TMEM65: variants seen among roughly 807,000 people sequenced by gnomAD.
The protein encoded by TMEM65 is transmembrane protein 65.
In TMEM65, 22 loss-of-function variants were observed where a neutral mutation model predicts 25.4. The observed-to-expected ratio is 0.86, with a 90% CI of 0.62 to 1.23. TMEM65 has a LOEUF of 1.23. Among genes scored for constraint, TMEM65 ranks in the 50% most tolerant of loss-of-function variants. The pLI, the probability that TMEM65 is intolerant of heterozygous loss-of-function variation, is 0.00. For synonymous variants in TMEM65, 132 were observed against 126.2 expected, an observed-to-expected ratio of 1.05 and a Z score of -0.31; for missense variants, 262 against 308.2, an observed-to-expected ratio of 0.85 and a Z score of 1.12.
intron 1 of TMEM65, among the ~76,000 whole-genome samples, chr8:124,338,573 T>G (rs1302990940): frequency 6.6e-6 from 1 of 152,038 alleles, no homozygotes; most frequent in Admixed American, 6.6e-5. Context: ...TAAAAGAAAG[T>G]TCCAAGCAAC....
In TMEM65 at chr8:124,308,683, A is replaced by G. The variant is rs1814122755; in HGVS notation, c.*5277T>C. The G allele has an allele frequency of 6.6e-6, 1 of 152,206 alleles. No homozygotes were observed. The highest frequency in any genetic ancestry group is 1.5e-5 in the Non-Finnish European group (1 of 68,036). The allele number at this position is 152,206 out of a possible 1,614,324, so 9.4% of individuals were successfully genotyped here. A position where few individuals can be genotyped will look rare whatever the true frequency, so the allele number is the denominator to read the frequency against. ...TTCAAAAGCTTAGCTTTTGGAGATG[A>G]GTGCCTCTGAATCAGTGCCACAGAA... On this transcript the variant is annotated 3_prime_UTR_variant, in exon 7 of 7. Coordinates refer to ENST00000297632, the MANE Select transcript of TMEM65 (RefSeq NM_194291.3).
At chr8:124,341,234 ATGAC>A (rs879838346) in intron 1 of TMEM65, among the ~76,000 whole-genome samples, 18 of 152,096 alleles carry the variant, frequency 1.2e-4, no homozygotes, top group Non-Finnish European at 2.6e-4. Flanking sequence ...TGAAAGTAGA[ATGAC>A]TGGTCATCCC....
intron 1 of TMEM65, among the ~76,000 whole-genome samples, chr8:124,333,229 G>A (rs1814456815): frequency 6.6e-6 from 1 of 151,324 alleles, no homozygotes; most frequent in Non-Finnish European, 1.5e-5. Flanking sequence ...TCAGCCCAAG[G>A]TTTCAGTGAT....
Position 124,372,218 on chromosome 8 carries a change from A to T in TMEM65, c.-61T>A. On this transcript the variant is annotated 5_prime_UTR_variant, in exon 1 of 7. Coordinates refer to ENST00000297632, the MANE Select transcript of TMEM65 (RefSeq NM_194291.3). ...GGCAAGGCGGTTTCTGGCGCGGCTGAGGCGAGAAGGAGCTGGGCTCAGCTC... is the reference window on the plus strand; with the variant it reads ...GGCAAGGCGGTTTCTGGCGCGGCTGTGGCGAGAAGGAGCTGGGCTCAGCTC... 1 of 1,212,474 alleles carries T rather than the reference A, an allele frequency of 8.2e-7. No individual in the cohort carries two copies. The highest frequency in any genetic ancestry group is 1.0e-6 in the Non-Finnish European group (1 of 967,292). The allele number at this position is 1,212,474 out of a possible 1,614,324, so 75.1% of individuals were successfully genotyped here. A position where few individuals can be genotyped will look rare whatever the true frequency, so the allele number is the denominator to read the frequency against.
Position 124,314,060 on chromosome 8 carries a change from C to T in TMEM65, c.623G>A (p.Gly208Asp). 1 of 1,611,666 alleles carries T rather than the reference C, an allele frequency of 6.2e-7. No individual in the cohort carries two copies. The highest frequency in any genetic ancestry group is 8.5e-7 in the Non-Finnish European group (1 of 1,178,918). ...MWQTRLSTHL[G>D]KAVGVTIGCI... ...GCCAATAGTCACCCCAACAGCTTTG[C>T]CCTAAGGAAACAAAAGAGAACATTT... The change falls in exon 7 of 7, where the codon GGC becomes GAC. Residue 208 changes from glycine (G) to aspartate (D), a missense_variant and splice_region_variant. Transcript: ENST00000297632.
chr8:124,333,978 ATTCAG>A (rs1387076663), intron 1 of TMEM65, among the ~76,000 whole-genome samples: 2 of 152,192 alleles, frequency 1.3e-5, no homozygotes, highest in East Asian at 3.8e-4. Flanking sequence ...CTGTGCATAC[ATTCAG>A]TTCAAGTCTA....
intron 1 of TMEM65, among the ~76,000 whole-genome samples, chr8:124,359,316 GCAAA>G (rs1814829774): frequency 6.6e-6 from 1 of 152,180 alleles, no homozygotes; most frequent in South Asian, 2.1e-4. Flanking sequence ...CCTGGAAGCA[GCAAA>G]CACTTAAAGA....
intron 1 of TMEM65, among the ~76,000 whole-genome samples, chr8:124,351,712 G>A (rs1025126965): frequency 1.3e-5 from 2 of 152,016 alleles, no homozygotes; most frequent in African/African-American, 4.8e-5. Context: ...CCCTGAAACG[G>A]CTTCATCTTT....
Position 124,308,554 on chromosome 8 carries a change from A to G in TMEM65, c.*5406T>C, listed in dbSNP as rs1814121644. 1 of 152,114 alleles carries G rather than the reference A, an allele frequency of 6.6e-6. No homozygotes were observed. The highest frequency in any genetic ancestry group is 6.5e-5 in the Admixed American group (1 of 15,282). The allele number at this position is 152,114 out of a possible 1,614,324, so 9.4% of individuals were successfully genotyped here. Reference sequence around the variant, plus strand: ...ATTTACAACAGAGCCAATCAAGAAAATCATGAAAGAGGTTGTAGATATGTC... The same window carrying G: ...ATTTACAACAGAGCCAATCAAGAAAGTCATGAAAGAGGTTGTAGATATGTC... On this transcript the variant is annotated 3_prime_UTR_variant, in exon 7 of 7. Transcript: ENST00000297632.
At chr8:124,319,558 T>C (rs1243098913) in intron 6 of TMEM65, among the ~76,000 whole-genome samples, 2 of 152,064 alleles carry the variant, frequency 1.3e-5, no homozygotes, top group Non-Finnish European at 2.9e-5. Flanking sequence ...TAATTGCTAG[T>C]CAGTATGCTT....
In TMEM65 at chr8:124,318,000, TA is replaced by T. The variant is rs553161072; in HGVS notation, c.621+2085del. 9.2e-5 allele frequency among the ~76,000 whole-genome samples: 14 copies of T among 152,088 alleles called. No homozygotes were observed. In the East Asian group the frequency reaches 2.1e-3, roughly 23 times the overall value. On this transcript the variant is annotated intron_variant, in intron 6 of 6. Coordinates refer to ENST00000297632, the MANE Select transcript of TMEM65 (RefSeq NM_194291.3). ...TAACACTAACGATAGCTGATAAGCT[TA>T]AAAAAAATCACAGAAAAAATCTCAT...
chr8:124,344,396 TTA>T (rs1814618991), intron 1 of TMEM65, among the ~76,000 whole-genome samples: 1 of 152,128 alleles, frequency 6.6e-6, no homozygotes, highest in Non-Finnish European at 1.5e-5. Context: ...GTAAATGAGG[TTA>T]TGATTAGAAA....
chr8:124,312,191 G>T lies in TMEM65; in HGVS notation c.*1769C>A, dbSNP rs1814170848. 2 of 151,334 alleles carry T rather than the reference G, an allele frequency of 1.3e-5. No individual in the cohort carries two copies. Among genetic ancestry groups the T allele is most frequent in the African/African-American group, 2.4e-5 (1 of 41,102 alleles). 9.4% of individuals were successfully genotyped at this position (151,334 alleles called of 1,614,324 possible). Reference sequence around the variant, plus strand: ...AATTTTACAAAGGATTTTTTGTGTGGTTATCTGTGTGTGGTTATTATATGG... The same window carrying T: ...AATTTTACAAAGGATTTTTTGTGTGTTTATCTGTGTGTGGTTATTATATGG... On this transcript the variant is annotated 3_prime_UTR_variant, in exon 7 of 7. Transcript: ENST00000297632.
chr8:124,318,877 T>C (rs575544921), intron 6 of TMEM65, among the ~76,000 whole-genome samples: 6 of 152,320 alleles, frequency 3.9e-5, no homozygotes, highest in Admixed American at 2.0e-4. Flanking sequence ...CTATTGAATA[T>C]TGCAGTCTGC....
intron 1 of TMEM65, among the ~76,000 whole-genome samples, chr8:124,348,635 A>C (rs1814670503): frequency 6.6e-6 from 1 of 152,200 alleles, no homozygotes. Context: ...GAACATCATA[A>C]ATGGTAGATC....
chr8:124,321,874 C>T (rs1288145018), intron 5 of TMEM65, among the ~76,000 whole-genome samples: 1 of 152,100 alleles, frequency 6.6e-6, no homozygotes, highest in Non-Finnish European at 1.5e-5. Context: ...TGCCAGGGCT[C>T]CCTCTCCAGA....
At chr8:124,362,662 C>CAAAA (rs59243626) in intron 1 of TMEM65, among the ~76,000 whole-genome samples, 25 of 98,204 alleles carry the variant, frequency 2.5e-4, no homozygotes, top group African/African-American at 8.2e-4. Context: ...ACTCTTGTCT[C>CAAAA]AAAAAAAAAA....
At chr8:124,346,471 G>A (rs921904138) in intron 1 of TMEM65, among the ~76,000 whole-genome samples, 5 of 151,776 alleles carry the variant, frequency 3.3e-5, no homozygotes, top group Admixed American at 6.6e-5. Context: ...GACTCTTAAC[G>A]TGATATTTCA....
rs1814138339 is a variant in TMEM65 at position 124,310,145 on chromosome 8, G to A, written c.*3815C>T. The A allele has an allele frequency of 6.6e-6, 1 of 152,116 alleles. No homozygotes were observed. The highest frequency in any genetic ancestry group is 1.5e-5 in the Non-Finnish European group (1 of 68,168). The allele number at this position is 152,116 out of a possible 1,614,324, so 9.4% of individuals were successfully genotyped here. On this transcript the variant is annotated 3_prime_UTR_variant, in exon 7 of 7. Coordinates refer to ENST00000297632, the MANE Select transcript of TMEM65 (RefSeq NM_194291.3). The stretch of plus-strand genomic sequence containing the variant: ...TGCACTCCAGCCTGGGTGACATCAA[G>A]ACTCCATCTCAAAAAAAAGTATATT...
Sources: allele counts gnomAD v4.1 joint callset (sites outside exome capture counted in the v4.1 genomes callset), GRCh38; gene constraint gnomAD v4.1.1; transcripts MANE v1.5; gene names NCBI Gene and HGNC (gene_info 2026-07-23, HGNC 2026-07-21).